CRIM1: variants seen among roughly 807,000 people sequenced by gnomAD.
The protein encoded by CRIM1 is cysteine rich transmembrane BMP regulator 1, also known as cysteine-rich motor neuron 1 protein.
Under a neutral mutation model 116.4 loss-of-function variants are expected in CRIM1, and 32 were observed. The observed-to-expected ratio is 0.27, with a 90% CI of 0.21 to 0.37. The LOEUF (loss-of-function observed/expected upper bound fraction) is 0.37. CRIM1 is among the 10% of genes least tolerant of loss of function. The pLI is 1.00. For missense variants in CRIM1, 1,331 were observed against 1,354.8 expected (o/e 0.98, Z 0.28); for synonymous variants, 590 against 509.2 (o/e 1.16, Z -2.13).
At chr2:36,544,837 GT>G (rs1478369978) in intron 15 of CRIM1, among the ~76,000 whole-genome samples, 3 of 152,174 alleles carry the variant, frequency 2.0e-5, no homozygotes, top group Admixed American at 6.5e-5. Flanking sequence ...TATAAACTTT[GT>G]AAGGAGAGTA....
chr2:36,439,003 A>C (rs2124928366), intron 2 of CRIM1, among the ~76,000 whole-genome samples: 1 of 152,342 alleles, frequency 6.6e-6, no homozygotes, highest in South Asian at 2.1e-4. Flanking sequence ...CTTAGGACAG[A>C]GGCTGTTTTA....
rs1262102447 is a variant in CRIM1 at position 36,476,914 on chromosome 2, C to T, written c.1017C>T (p.Asn339=). ...ATACAAAGCCAGCCTGCGTATTTAA[C>T]AATGTGGAATATTATGATGGAGACA... is the stretch of plus-strand genomic sequence containing the variant. ...VNDTKPACVF[N]NVEYYDGDMF... Residue 339 remains asparagine, a synonymous_variant, in exon 6 of 17, where the codon AAC becomes AAT. Coordinates refer to ENST00000280527, the MANE Select transcript of CRIM1 (RefSeq NM_016441.3). 14 of 1,613,364 alleles carry T rather than the reference C, an allele frequency of 8.7e-6. No homozygotes were observed. The highest frequency in any genetic ancestry group is 1.2e-5 in the Non-Finnish European group (14 of 1,179,650).
intron 2 of CRIM1, among the ~76,000 whole-genome samples, chr2:36,402,710 G>C (rs905168538): frequency 6.7e-6 from 1 of 148,898 alleles, no homozygotes; most frequent in Non-Finnish European, 1.5e-5. Flanking sequence ...AGCTGGAGAT[G>C]AAGAGAATTA....
chr2:36,435,655 C>T (rs939564719), intron 2 of CRIM1, among the ~76,000 whole-genome samples: 4 of 150,736 alleles, frequency 2.7e-5, no homozygotes, highest in African/African-American at 7.3e-5. Flanking sequence ...GCAAAAACAG[C>T]GATTGCTTTT....
chr2:36,418,649 A>G (rs532290148), intron 2 of CRIM1, among the ~76,000 whole-genome samples: 18 of 152,282 alleles, frequency 1.2e-4, no homozygotes, highest in Admixed American at 3.3e-4. Flanking sequence ...GAGGTGGTAT[A>G]AAGCCACTAA....
intron 5 of CRIM1, among the ~76,000 whole-genome samples, chr2:36,469,936 C>G (rs1216791618): frequency 6.6e-6 from 1 of 152,158 alleles, no homozygotes; most frequent in Non-Finnish European, 1.5e-5. Flanking sequence ...CTCCAGCACA[C>G]ACACACACTT....
chr2:36,487,590 G>T (rs1572852260), intron 7 of CRIM1, among the ~76,000 whole-genome samples: 1 of 149,772 alleles, frequency 6.7e-6, no homozygotes, highest in South Asian at 2.1e-4. Flanking sequence ...CGATCTAGCT[G>T]AGTAAAACTG....
intron 2 of CRIM1, among the ~76,000 whole-genome samples, chr2:36,427,873 G>T (rs1344407363): frequency 2.0e-5 from 3 of 152,208 alleles, no homozygotes; most frequent in Non-Finnish European, 2.9e-5. Flanking sequence ...GTCTCAGGGG[G>T]CGAGGCTCCG....
At chr2:36,455,666 C>T (rs1030143189) in intron 4 of CRIM1, among the ~76,000 whole-genome samples, 3 of 152,192 alleles carry the variant, frequency 2.0e-5, no homozygotes, top group Non-Finnish European at 2.9e-5. Flanking sequence ...ACCTCCCTTC[C>T]ATCCCAGGTG....
intron 7 of CRIM1, among the ~76,000 whole-genome samples, chr2:36,486,737 C>T (rs1036149888): frequency 1.3e-5 from 2 of 152,140 alleles, no homozygotes; most frequent in Non-Finnish European, 2.9e-5. Flanking sequence ...ATAGATCAGA[C>T]TTGGGCCTGC....
intron 1 of CRIM1, among the ~76,000 whole-genome samples, chr2:36,381,801 A>AT (rs970516245): frequency 2.0e-5 from 3 of 152,170 alleles, no homozygotes; most frequent in African/African-American, 7.2e-5. Flanking sequence ...AAAACCTTCC[A>AT]TGCCATTTTT....
chr2:36,477,562 C>T (rs557167122), intron 6 of CRIM1, among the ~76,000 whole-genome samples: 62 of 152,316 alleles, frequency 4.1e-4, no homozygotes, highest in Non-Finnish European at 6.9e-4. Flanking sequence ...GCTACTGCTT[C>T]TCTGAAAATA....
chr2:36,481,409 C>T (rs1275284265), intron 7 of CRIM1, among the ~76,000 whole-genome samples: 1 of 152,156 alleles, frequency 6.6e-6, no homozygotes, highest in African/African-American at 2.4e-5. Flanking sequence ...GTAATCTAAT[C>T]ATCTACTGTT....
At chr2:36,445,936 A>G (rs1422284411) in intron 4 of CRIM1, among the ~76,000 whole-genome samples, 2 of 152,202 alleles carry the variant, frequency 1.3e-5, no homozygotes, top group African/African-American at 4.8e-5. Context: ...ATAAGATCCT[A>G]TTATGATTAT....
rs1572757044 is a variant in CRIM1 at position 36,449,547 on chromosome 2, C to T, written c.869+6812C>T. The stretch of plus-strand genomic sequence containing the variant: ...CATGTGTCCAGAGCTAGAATCCAGG[C>T]CCACTTCGGCATGAGTTTGGGTGAG... On this transcript the variant is annotated intron_variant, in intron 4 of 16. Transcript: ENST00000280527. Among the ~76,000 whole-genome samples, 3 of 152,204 alleles carry T rather than the reference C, an allele frequency of 2.0e-5. 1 individual carries two copies. Among genetic ancestry groups the T allele is most frequent in the Admixed American group, 2.0e-4 (3 of 15,286 alleles).
At chr2:36,365,742 T>TTTC (rs1669549058) in intron 1 of CRIM1, among the ~76,000 whole-genome samples, 1 of 151,356 alleles carries the variant, frequency 6.6e-6, no homozygotes. Flanking sequence ...TTGTGTTTTT[T>TTTC]TTTTTTTTTT....
intron 7 of CRIM1, among the ~76,000 whole-genome samples, chr2:36,481,782 G>A (rs1202463232): frequency 5.9e-5 from 9 of 152,090 alleles, no homozygotes; most frequent in South Asian, 2.1e-4. Flanking sequence ...TGTCAGATTC[G>A]GCTCCATTTG....
intron 1 of CRIM1, among the ~76,000 whole-genome samples, chr2:36,360,351 A>G (rs1487000313): frequency 1.3e-5 from 2 of 152,216 alleles, no homozygotes; most frequent in African/African-American, 2.4e-5. Context: ...GCTAGATCAG[A>G]TAAGCACCAA....
intron 4 of CRIM1, among the ~76,000 whole-genome samples, chr2:36,460,212 A>AT (rs1254670888): frequency 1.3e-5 from 2 of 152,176 alleles, no homozygotes; most frequent in African/African-American, 2.4e-5. Context: ...AACTCTAAGG[A>AT]TTACATTAGA....
Sources: gnomAD v4.1 joint callset for allele counts (sites outside exome capture counted in the v4.1 genomes callset) on GRCh38, gnomAD v4.1.1 for gene constraint, MANE v1.5 for transcripts, NCBI Gene and HGNC (gene_info 2026-07-23, HGNC 2026-07-21) for gene names.